Variants in SUCLG2 observed in about 807,000 individuals in gnomAD.
SUCLG2 encodes succinate--CoA ligase [GDP-forming] subunit beta, mitochondrial.
Under a neutral mutation model 47.9 loss-of-function variants are expected in SUCLG2, and 42 were observed. The ratio of observed to expected loss-of-function variants is 0.88; its 90% CI spans 0.69 to 1.14. The LOEUF (loss-of-function observed/expected upper bound fraction) is 1.14, where lower values mean the gene tolerates loss of function less well. Among genes scored for constraint, SUCLG2 ranks in the 50% most tolerant of loss-of-function variants. The probability of loss-of-function intolerance (pLI) is 0.00; values close to 1 mark genes in which losing one functional copy is unlikely to be tolerated. For synonymous variants in SUCLG2, 195 were observed against 197.3 expected (o/e 0.99, Z 0.10); for missense variants, 571 against 525.9 (o/e 1.09, Z -0.84).
chr3:67,484,065 G>C (rs1163662401), intron 9 of SUCLG2, among the ~76,000 whole-genome samples: 1 of 152,174 alleles, frequency 6.6e-6, no homozygotes, highest in Non-Finnish European at 1.5e-5. Flanking sequence ...CTCTGTGTGT[G>C]CTCTGGCTAT....
intron 2 of SUCLG2, among the ~76,000 whole-genome samples, chr3:67,569,506 C>A (rs1707554616): frequency 2.6e-5 from 4 of 152,272 alleles, no homozygotes; most frequent in Middle Eastern, 3.4e-3. Flanking sequence ...CTCAGTGGGC[C>A]CAGAGGCAGA....
intron 9 of SUCLG2, among the ~76,000 whole-genome samples, chr3:67,479,734 T>C (rs554538234): frequency 6.6e-6 from 1 of 152,316 alleles, no homozygotes; most frequent in South Asian, 2.1e-4. Flanking sequence ...ATGAATTAGA[T>C]CTACCTCGAT....
At chr3:67,376,050 A>G (rs1702029930) in intron 10 of SUCLG2, 191 bp from the exon 11 acceptor site, 15 of 985,382 alleles carry the variant, frequency 1.5e-5, no homozygotes, top group African/African-American at 8.7e-5. Flanking sequence ...GTCCAGCTAG[A>G]AAAGAAGATG....
chr3:67,604,649 G>T (rs955119965), intron 2 of SUCLG2, among the ~76,000 whole-genome samples: 1 of 151,488 alleles, frequency 6.6e-6, no homozygotes, highest in South Asian at 2.1e-4. Context: ...GTAGGGTGGC[G>T]AGAAGAAGAG....
intron 2 of SUCLG2, among the ~76,000 whole-genome samples, chr3:67,536,704 AG>A (rs1706553096): frequency 6.6e-6 from 1 of 152,220 alleles, no homozygotes; most frequent in African/African-American, 2.4e-5. Context: ...TCCCTCTCAC[AG>A]ACTCCTGAGC....
At chr3:67,491,839 G>A (rs73088913) in intron 9 of SUCLG2, among the ~76,000 whole-genome samples, 4,287 of 152,114 alleles carry the variant, frequency 0.028, 86 homozygotes, top group African/African-American at 0.059. Flanking sequence ...AAAAGTGTGC[G>A]TGTGTGTCTC....
At chr3:67,463,916 G>A (rs961880654) in intron 9 of SUCLG2, among the ~76,000 whole-genome samples, 7 of 152,368 alleles carry the variant, frequency 4.6e-5, no homozygotes, top group African/African-American at 1.2e-4. Context: ...ATAATCTCAA[G>A]GAGGTATGAA....
chr3:67,371,019 G>GA (rs1208930902), downstream of SUCLG2, among the ~76,000 whole-genome samples: 9 of 151,932 alleles, frequency 5.9e-5, no homozygotes, highest in South Asian at 2.1e-4. Context: ...AAAGGTAATT[G>GA]AAAAAAAACT....
At chr3:67,626,112 C>T (rs62256421) in intron 1 of SUCLG2, among the ~76,000 whole-genome samples, 12 of 151,732 alleles carry the variant, frequency 7.9e-5, no homozygotes, top group Admixed American at 4.6e-4. Context: ...CTCCGCCTCC[C>T]GGGTTCACGC....
In SUCLG2 at chr3:67,381,577, C is replaced by CA. The variant is rs1484346331; in HGVS notation, c.1184-5719dup. The stretch of plus-strand genomic sequence containing the variant: ...ATGTTCTAATATTTATTAAATGCTA[C>CA]ATTGCTTTTTAATGAGCCTTCAGGA... On this transcript the variant is annotated intron_variant, in intron 10 of 10. Transcript: ENST00000307227. 5.3e-5 allele frequency among the ~76,000 whole-genome samples: 8 copies of CA among 152,294 alleles called. No individual in the cohort carries two copies. The South Asian group carries it at 1.0e-3, about 20-fold the overall frequency.
intron 1 of SUCLG2, among the ~76,000 whole-genome samples, chr3:67,643,538 A>G (rs898949449): frequency 6.6e-6 from 1 of 152,148 alleles, no homozygotes; most frequent in Admixed American, 6.5e-5. Flanking sequence ...TCCTCTTCCT[A>G]CATTCAGTGC....
intron 9 of SUCLG2, among the ~76,000 whole-genome samples, chr3:67,411,514 A>G (rs1032939193): frequency 6.6e-6 from 1 of 152,168 alleles, no homozygotes; most frequent in African/African-American, 2.4e-5. Context: ...GAGTAAAAAC[A>G]TAAGATTCCA....
chr3:67,528,270 A>AT (rs1706308385), intron 3 of SUCLG2, 48 bp from the exon 4 acceptor site: 7 of 1,561,402 alleles, frequency 4.5e-6, no homozygotes, highest in Non-Finnish European at 6.2e-6. Flanking sequence ...GTTGAAAATC[A>AT]TTTAAATGAG....
intron 1 of SUCLG2, among the ~76,000 whole-genome samples, chr3:67,622,970 T>C (rs1700760550): frequency 6.6e-6 from 1 of 152,220 alleles, no homozygotes. Flanking sequence ...AGCTTGGTCT[T>C]ATGTCAGGTT....
At chr3:67,379,428 G>T (rs986679580) in intron 10 of SUCLG2, among the ~76,000 whole-genome samples, 2 of 152,002 alleles carry the variant, frequency 1.3e-5, no homozygotes, top group Non-Finnish European at 2.9e-5. Context: ...TTTTTATCAC[G>T]GTTCCCACTT....
intron 2 of SUCLG2, among the ~76,000 whole-genome samples, chr3:67,536,332 C>T (rs966919442): frequency 6.6e-6 from 1 of 152,248 alleles, no homozygotes; most frequent in Admixed American, 6.5e-5. Context: ...CAGAGATCAT[C>T]TACCTTCTTG....
At chr3:67,391,546 T>C (rs1702382950) in intron 10 of SUCLG2, among the ~76,000 whole-genome samples, 1 of 152,162 alleles carries the variant, frequency 6.6e-6, no homozygotes, top group South Asian at 2.1e-4. Flanking sequence ...TATGCTAGGT[T>C]CTAAGACCAA....
chr3:67,409,430 G>A (rs1007321914), intron 9 of SUCLG2, among the ~76,000 whole-genome samples: 1 of 152,096 alleles, frequency 6.6e-6, no homozygotes, highest in African/African-American at 2.4e-5. Context: ...ATGGCCACTG[G>A]TAGGCATGGT....
chr3:67,360,545 A>G (rs1701788907), exon 11 of SUCLG2: 1 of 1,364,502 alleles, frequency 7.3e-7, no homozygotes, highest in African/African-American at 1.5e-5. Context: ...ATGCAGCTGA[A>G]CCCAAATGTA....
Sources: allele counts gnomAD v4.1 joint callset (sites outside exome capture counted in the v4.1 genomes callset), GRCh38; gene constraint gnomAD v4.1.1; transcripts MANE v1.5; gene names NCBI Gene and HGNC (gene_info 2026-07-23, HGNC 2026-07-21).